Variants in AUTS2 observed in about 807,000 individuals in gnomAD.
AUTS2 encodes the protein autism susceptibility gene 2 protein.
Under a neutral mutation model 112.4 loss-of-function variants are expected in AUTS2, and 17 were observed. The observed-to-expected ratio is 0.15, with a 90% confidence interval of 0.10 to 0.23. AUTS2 has a LOEUF of 0.23. Ranked by LOEUF, AUTS2 falls within the 10% of genes least tolerant of loss-of-function variation. The pLI is 1.00. For synonymous variants in AUTS2, 751 were observed against 702.7 expected (o/e 1.07, Z -1.09); for missense variants, 1,510 against 1,701.6 (o/e 0.89, Z 1.98).
intron 4 of AUTS2, among the ~76,000 whole-genome samples, chr7:70,294,799 A>G (rs1260819848): frequency 6.6e-6 from 1 of 152,198 alleles, no homozygotes; most frequent in Non-Finnish European, 1.5e-5. Context: ...CATGGTGAGC[A>G]TAGTGCTGCT....
At chr7:70,618,581 C>T (rs1563079690) in intron 5 of AUTS2, among the ~76,000 whole-genome samples, 1 of 152,204 alleles carries the variant, frequency 6.6e-6, no homozygotes, top group Non-Finnish European at 1.5e-5. Flanking sequence ...TCACTAACCT[C>T]ATCTCATTTG....
At chr7:70,683,149 T>A (rs926425762) in intron 5 of AUTS2, among the ~76,000 whole-genome samples, 4 of 152,220 alleles carry the variant, frequency 2.6e-5, no homozygotes, top group African/African-American at 9.7e-5. Context: ...TAATGATATA[T>A]TTTTTAGAAT....
intron 1 of AUTS2, among the ~76,000 whole-genome samples, chr7:69,838,343 G>C (rs192005413): frequency 1.9e-4 from 29 of 152,286 alleles, no homozygotes; most frequent in Admixed American, 1.7e-3. Context: ...TCTAACAATG[G>C]TTAAGCCAGA....
intron 6 of AUTS2, among the ~76,000 whole-genome samples, chr7:70,718,745 A>G (rs1304513704): frequency 6.6e-6 from 1 of 152,200 alleles, no homozygotes; most frequent in Non-Finnish European, 1.5e-5. Context: ...TTCTTCATAT[A>G]CTTCAAACAA....
intron 4 of AUTS2, among the ~76,000 whole-genome samples, chr7:70,360,724 G>A (rs958001230): frequency 3.3e-5 from 5 of 152,064 alleles, no homozygotes; most frequent in African/African-American, 1.2e-4. Context: ...ATAAAACAGG[G>A]AACAGAGCCA....
At chr7:69,600,102 T>C in intron 1 of AUTS2, 140 bp downstream of exon 1, 1 of 997,992 alleles carries the variant, frequency 1.0e-6, no homozygotes. Context: ...TGAGGTCTTA[T>C]TGTTGGTGGG....
At chr7:70,579,780 GCCT>G (rs1554434406) in intron 5 of AUTS2, among the ~76,000 whole-genome samples, 5 of 152,164 alleles carry the variant, frequency 3.3e-5, no homozygotes. Context: ...CTGATTTAGT[GCCT>G]CGTTTGTCAC....
chr7:70,351,563 A>G (rs1322878870), intron 4 of AUTS2, among the ~76,000 whole-genome samples: 2 of 152,084 alleles, frequency 1.3e-5, no homozygotes, highest in East Asian at 3.9e-4. Flanking sequence ...GTTGTATGGT[A>G]TTCTATTTTT....
intron 4 of AUTS2, among the ~76,000 whole-genome samples, chr7:70,144,995 T>C (rs1807056583): frequency 6.6e-6 from 1 of 152,168 alleles, no homozygotes; most frequent in South Asian, 2.1e-4. Context: ...GATTCTGTCA[T>C]GTCATATATT....
At chr7:69,602,034 ATATATATGTGTGTGTGTGTGTGTGTGTG>A (rs200240807) in intron 1 of AUTS2, among the ~76,000 whole-genome samples, 80,781 of 131,190 alleles carry the variant, frequency 0.62, 23,052 homozygotes, top group East Asian at 0.69. Context: ...ATATATATAT[ATATATATGTGTGTGTGTGTGTGTGTGTG>A]TGTGTGTGTG....
At chr7:70,362,261 T>G (rs1029912538) in intron 4 of AUTS2, among the ~76,000 whole-genome samples, 2 of 152,144 alleles carry the variant, frequency 1.3e-5, no homozygotes, top group Non-Finnish European at 1.5e-5. Flanking sequence ...GTGAACCTAG[T>G]TAGTTCCCAA....
chr7:70,187,106 G>A (rs1448009901), intron 4 of AUTS2, among the ~76,000 whole-genome samples: 2 of 152,142 alleles, frequency 1.3e-5, no homozygotes, highest in African/African-American at 4.8e-5. Context: ...TGAGTTCAGT[G>A]GATTGATAGT....
chr7:70,583,514 C>T (rs1192004391), intron 5 of AUTS2, among the ~76,000 whole-genome samples: 2 of 152,264 alleles, frequency 1.3e-5, no homozygotes, highest in South Asian at 2.1e-4. Context: ...ATGGGAGGGG[C>T]GGAGGCAGAG....
At chr7:70,511,947 A>T (rs1317082206) in intron 5 of AUTS2, among the ~76,000 whole-genome samples, 1 of 152,204 alleles carries the variant, frequency 6.6e-6, no homozygotes, top group African/African-American at 2.4e-5. Flanking sequence ...GATAAATTAA[A>T]GGTCAGCCTA....
At chr7:70,782,141 C>A in intron 15 of AUTS2, 1 of 176,134 alleles carries the variant, frequency 5.7e-6, no homozygotes, top group South Asian at 1.5e-4. Flanking sequence ...TAATACGGTG[C>A]CCGCAGAGCA....
chr7:70,764,636 A>AG (rs1170882891), intron 7 of AUTS2, 116 bp from the exon 8 acceptor site: 2 of 636,736 alleles, frequency 3.1e-6, no homozygotes, highest in African/African-American at 3.7e-5. Context: ...GTAAAGAGGA[A>AG]GGGGCAAGAG....
intron 2 of AUTS2, among the ~76,000 whole-genome samples, chr7:70,018,865 G>T (rs1201978207): frequency 1.3e-5 from 2 of 152,212 alleles, no homozygotes; most frequent in Middle Eastern, 6.8e-3. Context: ...ATTTTTCAAA[G>T]ACCTAAAAAC....
chr7:70,520,215 C>T (rs1160625898), intron 5 of AUTS2, among the ~76,000 whole-genome samples: 1 of 152,120 alleles, frequency 6.6e-6, no homozygotes, highest in Non-Finnish European at 1.5e-5. Flanking sequence ...CTTGTTCTCT[C>T]TCTTTCTCTC....
At chr7:70,746,360 G>A (rs1204578993) in intron 6 of AUTS2, among the ~76,000 whole-genome samples, 1 of 152,156 alleles carries the variant, frequency 6.6e-6, no homozygotes, top group Non-Finnish European at 1.5e-5. Flanking sequence ...TGGTCAGACT[G>A]ATCTCGAACT....
Sources: allele counts gnomAD v4.1 joint callset (sites outside exome capture counted in the v4.1 genomes callset), GRCh38; gene constraint gnomAD v4.1.1; transcripts MANE v1.5; gene names NCBI Gene and HGNC (gene_info 2026-07-23, HGNC 2026-07-21).